The following ANO2 variants were observed in gnomAD, a reference collection of about 807,000 sequenced individuals.
ANO2 encodes the protein anoctamin-2.
In ANO2, 101 loss-of-function variants were observed where a neutral mutation model predicts 124.2. The ratio of observed to expected loss-of-function variants is 0.81; its 90% CI spans 0.69 to 0.96. The LOEUF (loss-of-function observed/expected upper bound fraction) is 0.96, where lower values mean the gene tolerates loss of function less well. ANO2 is among the 40% of genes least tolerant of loss of function. The pLI is 0.00. For missense variants in ANO2, 1,293 were observed against 1,274.5 expected (o/e 1.01, Z -0.22); for synonymous variants, 486 against 482.5 (o/e 1.01, Z -0.09).
chr12:5,763,882 G>C (rs575807772), intron 10 of ANO2, among the ~76,000 whole-genome samples: 1 of 152,242 alleles, frequency 6.6e-6, no homozygotes, highest in East Asian at 1.9e-4. Context: ...CTAAAAACTG[G>C]TTGTTTGAAA....
chr12:5,704,025 A>G (rs925052450), intron 14 of ANO2, among the ~76,000 whole-genome samples: 2 of 152,178 alleles, frequency 1.3e-5, no homozygotes, highest in Non-Finnish European at 2.9e-5. Context: ...GGAGCTCACT[A>G]CAATAGAAGA....
chr12:5,926,413 A>G (rs1194725007), intron 1 of ANO2, among the ~76,000 whole-genome samples: 1 of 152,046 alleles, frequency 6.6e-6, no homozygotes, highest in Non-Finnish European at 1.5e-5. Context: ...GCACAAACTT[A>G]TGGGGCTCCC....
At chr12:5,935,709 G>A (rs1018464577) in intron 1 of ANO2, among the ~76,000 whole-genome samples, 2 of 152,138 alleles carry the variant, frequency 1.3e-5, no homozygotes, top group Non-Finnish European at 2.9e-5. Flanking sequence ...TTAGGATTCC[G>A]CAACTGGAAA....
In ANO2 at chr12:5,565,547, C is replaced by CTGGA; in HGVS notation, c.2727+10_2727+11insTCCA. 1 of 1,582,724 alleles carries CTGGA rather than the reference C, an allele frequency of 6.3e-7. No homozygotes were observed. The highest frequency in any genetic ancestry group is 8.6e-7 in the Non-Finnish European group (1 of 1,162,480). On this transcript the variant is annotated intron_variant, in intron 24 of 24. Coordinates refer to ENST00000682330, the MANE Select transcript of ANO2 (RefSeq NM_001364791.2). The stretch of plus-strand genomic sequence containing the variant: ...GATTCGAATGGGCTATTCCCTATCC[C>CTGGA]AGCAACTCACCTGGAAGATTATGAC...
At chr12:5,785,779 G>A (rs1450301164) in intron 10 of ANO2, among the ~76,000 whole-genome samples, 1 of 152,104 alleles carries the variant, frequency 6.6e-6, no homozygotes, top group East Asian at 1.9e-4. Flanking sequence ...GGTCCCCCGG[G>A]CCTTCCCAGA....
chr12:5,732,723 G>T, intron 13 of ANO2, 93 bp from the exon 14 acceptor site: 2 of 1,520,384 alleles, frequency 1.3e-6, no homozygotes, highest in Non-Finnish European at 1.8e-6. Context: ...TAACGTCAGC[G>T]TTTAGGATTG....
At chr12:5,782,541 T>C (rs1233172667) in intron 10 of ANO2, among the ~76,000 whole-genome samples, 1 of 152,252 alleles carries the variant, frequency 6.6e-6, no homozygotes, top group Non-Finnish European at 1.5e-5. Context: ...ATTACCTGCC[T>C]ATTGTCTAAC....
chr12:5,591,734 G>A (rs932324837), intron 20 of ANO2, among the ~76,000 whole-genome samples: 1 of 152,128 alleles, frequency 6.6e-6, no homozygotes, highest in Non-Finnish European at 1.5e-5. Context: ...GTCATACTTT[G>A]GGGTGAAGTT....
intron 4 of ANO2, among the ~76,000 whole-genome samples, chr12:5,845,132 G>A (rs1160686002): frequency 1.3e-5 from 2 of 151,176 alleles, no homozygotes; most frequent in Non-Finnish European, 1.5e-5. Flanking sequence ...AGGCATGGAG[G>A]TGTGTGCCTA....
chr12:5,695,020 G>A (rs980129041), intron 14 of ANO2, among the ~76,000 whole-genome samples: 20 of 152,142 alleles, frequency 1.3e-4, no homozygotes, highest in African/African-American at 4.6e-4. Context: ...GCATACTTAA[G>A]TGCTACATAA....
chr12:5,926,545 C>G (rs998193262), intron 1 of ANO2, among the ~76,000 whole-genome samples: 6 of 152,174 alleles, frequency 3.9e-5, no homozygotes, highest in African/African-American at 1.4e-4. Context: ...AGCCCAGCAT[C>G]CTACATGCAT....
At chr12:5,643,434 T>C (rs1412391737) in intron 15 of ANO2, among the ~76,000 whole-genome samples, 1 of 152,228 alleles carries the variant, frequency 6.6e-6, no homozygotes, top group Non-Finnish European at 1.5e-5. Flanking sequence ...TGCCTCAATT[T>C]ATGTATCCAT....
intron 19 of ANO2, among the ~76,000 whole-genome samples, chr12:5,602,100 AG>A (rs1279989084): frequency 6.6e-6 from 1 of 152,250 alleles, no homozygotes; most frequent in African/African-American, 2.4e-5. Flanking sequence ...TTTATTCTGA[AG>A]AGAAAAATGA....
In ANO2 at chr12:5,621,570, G is replaced by A. The variant is rs539087141; in HGVS notation, c.1817-6273C>T. On this transcript the variant is annotated intron_variant, in intron 16 of 24. Coordinates refer to ENST00000682330, the MANE Select transcript of ANO2 (RefSeq NM_001364791.2). ...AGAGAGGAAATGGACTGACAGGTGC[G>A]GGGAGGGCCCGCTGGGAATTTTCAT... Among the ~76,000 whole-genome samples the A allele has an allele frequency of 2.1e-4, 32 of 152,324 alleles. 1 individual carries two copies. In the South Asian group the frequency reaches 4.1e-3, roughly 20 times the overall value.
chr12:5,861,328 C>T (rs566573589), intron 3 of ANO2, among the ~76,000 whole-genome samples: 3 of 152,262 alleles, frequency 2.0e-5, no homozygotes, highest in Admixed American at 2.0e-4. Flanking sequence ...GAGGAATGGG[C>T]TAGGGAGTGA....
At chr12:5,573,609 C>G (rs1942245995) in intron 23 of ANO2, among the ~76,000 whole-genome samples, 1 of 144,732 alleles carries the variant, frequency 6.9e-6, no homozygotes, top group African/African-American at 2.4e-5. Context: ...AGCATGTCAG[C>G]CATGCAGAGG....
At chr12:5,795,504 T>A (rs1952819010) in intron 10 of ANO2, among the ~76,000 whole-genome samples, 1 of 152,200 alleles carries the variant, frequency 6.6e-6, no homozygotes, top group Non-Finnish European at 1.5e-5. Flanking sequence ...ATCCCCTTGG[T>A]GAACTCCCAC....
chr12:5,649,410 A>T (rs963669761), intron 14 of ANO2, among the ~76,000 whole-genome samples: 3 of 152,192 alleles, frequency 2.0e-5, no homozygotes, highest in Non-Finnish European at 1.5e-5. Flanking sequence ...CCATCACACA[A>T]TGAGAACAAG....
intron 14 of ANO2, among the ~76,000 whole-genome samples, chr12:5,651,040 CAT>C (rs1946892544): frequency 6.6e-6 from 1 of 152,242 alleles, no homozygotes; most frequent in African/African-American, 2.4e-5. Context: ...TGAGTGCATG[CAT>C]ATGAGAGAGC....
Sources: allele counts gnomAD v4.1 joint callset (sites outside exome capture counted in the v4.1 genomes callset), GRCh38; gene constraint gnomAD v4.1.1; transcripts MANE v1.5; gene names NCBI Gene and HGNC (gene_info 2026-07-23, HGNC 2026-07-21).